HS1BP3: variants seen among roughly 807,000 people sequenced by gnomAD.
The protein encoded by HS1BP3 is HCLS1-binding protein 3.
A neutral mutation model predicts 33.5 loss-of-function variants in HS1BP3; 32 were observed. The observed-to-expected ratio is 0.95, with a 90% confidence interval of 0.72 to 1.28. The LOEUF (loss-of-function observed/expected upper bound fraction) is 1.28, where lower values mean the gene tolerates loss of function less well. Ranked by LOEUF, HS1BP3 falls within the 50% of genes most tolerant of loss-of-function variation. The pLI, the probability that HS1BP3 is intolerant of heterozygous loss-of-function variation, is 0.00. For missense variants in HS1BP3, 486 were observed against 502.3 expected (o/e 0.97, Z 0.31); for synonymous variants, 187 against 209.2 (o/e 0.89, Z 0.92).
chr2:20,643,655 T>C (rs1572363622), intron 2 of HS1BP3, among the ~76,000 whole-genome samples: 2 of 152,230 alleles, frequency 1.3e-5, no homozygotes, highest in South Asian at 4.1e-4. Flanking sequence ...GGCGTGGGGG[T>C]TCACACCTGT....
intron 2 of HS1BP3, among the ~76,000 whole-genome samples, chr2:20,605,120 A>C (rs1303189026): frequency 6.6e-6 from 1 of 152,204 alleles, no homozygotes; most frequent in African/African-American, 2.4e-5. Context: ...ATTTGTCTTC[A>C]GTTTAGATGC....
Position 20,618,871 on chromosome 2 carries a change from T to C in HS1BP3, c.*116A>G. 6.9e-7 allele frequency: 1 copy of C among 1,452,112 alleles called. No individual in the cohort carries two copies. Among genetic ancestry groups the C allele is most frequent in the East Asian group, 2.5e-5 (1 of 40,276 alleles). 90.0% of individuals were successfully genotyped at this position (1,452,112 alleles called of 1,614,324 possible). ...AGTTCTGGGTGCTGTGACCCAGGCT[T>C]CTGCCTGGCCTCCCCTGGGGGTGGG... On this transcript the variant is annotated 3_prime_UTR_variant, in exon 7 of 7. Coordinates refer to ENST00000304031, the MANE Select transcript of HS1BP3 (RefSeq NM_022460.4).
chr2:20,647,233 C>A (rs895609447), intron 1 of HS1BP3, among the ~76,000 whole-genome samples: 5 of 152,174 alleles, frequency 3.3e-5, no homozygotes, highest in Non-Finnish European at 7.3e-5. Flanking sequence ...AATCCATAAC[C>A]CCACCCCTTT....
At chr2:20,645,557 C>A in intron 1 of HS1BP3, 52 bp from the exon 2 acceptor site, 2 of 1,550,230 alleles carry the variant, frequency 1.3e-6, no homozygotes, top group South Asian at 1.2e-5. Flanking sequence ...CAGTAGGCTT[C>A]CCGAGCAAAG....
At chr2:20,586,386 C>G (rs920898066) in intron 5 of HS1BP3, 28 of 152,216 alleles carry the variant, frequency 1.8e-4, no homozygotes, top group African/African-American at 5.8e-4. Context: ...CAGAGATCAT[C>G]TCAGTGTGAC....
At chr2:20,632,857 A>G (rs1695009681) in intron 4 of HS1BP3, among the ~76,000 whole-genome samples, 1 of 152,194 alleles carries the variant, frequency 6.6e-6, no homozygotes, top group African/African-American at 2.4e-5. Flanking sequence ...GAGGGAGGTA[A>G]AGTCATAGTG....
At position 20,627,549 on chromosome 2, in the gene HS1BP3, T is replaced by C. The variant is rs780821823; in HGVS notation, c.624-2657A>G. Among the ~76,000 whole-genome samples the C allele has an allele frequency of 6.6e-4, 100 of 152,298 alleles. 2 individuals are homozygous for C. The highest frequency in any genetic ancestry group is 6.8e-3 in the Middle Eastern group (2 of 294). ...CACAAGAGGCCTAACTTTCCTTCCA[T>C]GTGAGTTTTCTCCTCCAACTGGATC... On this transcript the variant is annotated intron_variant, in intron 4 of 6. Coordinates refer to ENST00000304031, the MANE Select transcript of HS1BP3 (RefSeq NM_022460.4).
At chr2:20,624,147 C>T in intron 5 of HS1BP3, 116 bp from the exon 6 acceptor site, 2 of 1,222,442 alleles carry the variant, frequency 1.6e-6, no homozygotes, top group Non-Finnish European at 2.2e-6. Context: ...GGAATTGATG[C>T]CTCTGCTCAA....
chr2:20,572,170 G>A (rs1693290865), intron 5 of HS1BP3, among the ~76,000 whole-genome samples: 1 of 152,220 alleles, frequency 6.6e-6, no homozygotes, highest in South Asian at 2.1e-4. Context: ...CCAGGGGAGA[G>A]GCTGGGAAGC....
chr2:20,572,409 C>T (rs568833279), intron 5 of HS1BP3, among the ~76,000 whole-genome samples: 7 of 152,338 alleles, frequency 4.6e-5, no homozygotes, highest in Middle Eastern at 3.4e-3. Flanking sequence ...GTCCTGTCCC[C>T]GTACCCTACT....
At chr2:20,637,041 C>CCT in intron 4 of HS1BP3, 1 of 150,316 alleles carries the variant, frequency 6.7e-6, no homozygotes, top group East Asian at 2.0e-4. Flanking sequence ...CCCGCCCCCC[C>CCT]CGCCCCGCCA....
In HS1BP3 at chr2:20,608,260, C is replaced by G. The variant is rs368774653; in HGVS notation, c.179-9995G>C. Among the ~76,000 whole-genome samples, 14 of 151,896 alleles carry G rather than the reference C, an allele frequency of 9.2e-5. No individual in the cohort carries two copies. In the East Asian group the frequency reaches 2.3e-3, roughly 25 times the overall value. On this transcript the variant is annotated intron_variant, in intron 2 of 3. Transcript: ENST00000415264. ...TGCCTAGTTTCTCTGGCTAGAACTT[C>G]CAGTACAATATTGCATAGAAGTAGC...
intron 2 of HS1BP3, chr2:20,606,688 G>A: frequency 3.4e-6 from 1 of 297,924 alleles, no homozygotes; most frequent in Non-Finnish European, 6.6e-6. Context: ...GAACGCTACA[G>A]CCTCGCTAAG....
intron 3 of HS1BP3, among the ~76,000 whole-genome samples, chr2:20,595,255 T>C (rs1481835704): frequency 6.6e-6 from 1 of 152,116 alleles, no homozygotes; most frequent in Non-Finnish European, 1.5e-5. Context: ...GGAACAGAGC[T>C]GTGTCTACCC....
chr2:20,615,992 T>G (rs1305457109), downstream of HS1BP3, among the ~76,000 whole-genome samples: 3 of 152,180 alleles, frequency 2.0e-5, no homozygotes, highest in Non-Finnish European at 4.4e-5. Context: ...TTTCCAGAAC[T>G]GGCCTGAGTT....
chr2:20,614,861 G>A (rs140259585), downstream of HS1BP3, among the ~76,000 whole-genome samples: 675 of 152,352 alleles, frequency 4.4e-3, 2 homozygotes, highest in African/African-American at 0.015. Context: ...AGCATGACCC[G>A]ACACATGAAA....
At chr2:20,603,654 T>C (rs776577066) in intron 2 of HS1BP3, among the ~76,000 whole-genome samples, 1 of 152,186 alleles carries the variant, frequency 6.6e-6, no homozygotes, top group Non-Finnish European at 1.5e-5. Context: ...AATATAAAAT[T>C]GATTGTGGTA....
chr2:20,625,948 T>C (rs1694766572), intron 4 of HS1BP3, among the ~76,000 whole-genome samples: 1 of 152,180 alleles, frequency 6.6e-6, no homozygotes, highest in East Asian at 1.9e-4. Context: ...GCTGATGATG[T>C]CTATTAGCCA....
intron 4 of HS1BP3, chr2:20,637,343 G>A (rs1379330867): frequency 6.6e-6 from 1 of 152,256 alleles, no homozygotes; most frequent in Non-Finnish European, 1.5e-5. Context: ...CTGATAAGGA[G>A]TGACTATTAC....
Sources: gnomAD v4.1 joint callset for allele counts (sites outside exome capture counted in the v4.1 genomes callset) on GRCh38, gnomAD v4.1.1 for gene constraint, MANE v1.5 for transcripts, NCBI Gene and HGNC (gene_info 2026-07-23, HGNC 2026-07-21) for gene names.